MCU: variants seen among roughly 807,000 people sequenced by gnomAD.
MCU encodes the protein mitochondrial calcium uniporter.
A neutral mutation model predicts 45.2 loss-of-function variants in MCU; 12 were observed. That is an observed-to-expected ratio of 0.27 (90% CI 0.17 to 0.43). The LOEUF is 0.43. MCU is among the 20% of genes least tolerant of loss of function. The pLI, the probability that MCU is intolerant of heterozygous loss-of-function variation, is 1.00. For missense variants in MCU, 324 were observed against 436.7 expected, an observed-to-expected ratio of 0.74 and a Z score of 2.30; for synonymous variants, 160 against 165.1, an observed-to-expected ratio of 0.97 and a Z score of 0.24.
chr10:72,751,947 C>T (rs1187311474), intron 1 of MCU, among the ~76,000 whole-genome samples: 3 of 151,588 alleles, frequency 2.0e-5, no homozygotes. Flanking sequence ...TAAAGTGATT[C>T]TACTGCCTCA....
At chr10:72,843,158 C>T (rs1845071097) in intron 2 of MCU, among the ~76,000 whole-genome samples, 1 of 152,132 alleles carries the variant, frequency 6.6e-6, no homozygotes, top group African/African-American at 2.4e-5. Context: ...ATCATTACAA[C>T]CCCAAGTCCA....
intron 1 of MCU, among the ~76,000 whole-genome samples, chr10:72,799,249 T>C (rs1423802660): frequency 6.6e-6 from 1 of 152,212 alleles, no homozygotes; most frequent in Non-Finnish European, 1.5e-5. Context: ...TTAAAAGCTA[T>C]GTAGTTTTCA....
intron 1 of MCU, among the ~76,000 whole-genome samples, chr10:72,830,716 A>T (rs564429083): frequency 2.0e-5 from 3 of 152,206 alleles, no homozygotes; most frequent in African/African-American, 7.2e-5. Context: ...TCTTCAGCAC[A>T]ACTAGGGAGA....
In MCU at chr10:72,692,223, C is replaced by T; in HGVS notation, c.72C>T (p.Gly24=). ...GGGGCGGCGGCGGCGGGGGCGCCGG[C>T]GGCTGCGGGGCGCTGACTGCCGGCT... ...SSRGGGGGGA[G]GCGALTAGCF... is the part of the protein sequence containing the mutation. Residue 24 remains glycine, a synonymous_variant, in exon 1 of 8, where the codon GGC becomes GGT. Transcript: ENST00000373053. 8.0e-7 allele frequency: 1 copy of T among 1,245,594 alleles called. No individual in the cohort carries two copies. 77.2% of individuals were successfully genotyped at this position (1,245,594 alleles called of 1,614,324 possible).
intron 1 of MCU, among the ~76,000 whole-genome samples, chr10:72,821,277 G>A (rs534265955): frequency 6.6e-6 from 1 of 151,154 alleles, no homozygotes; most frequent in South Asian, 2.1e-4. Flanking sequence ...CATGAAGTAC[G>A]AGGATCAACA....
rs1251868793 is a variant in MCU at position 72,692,811 on chromosome 10, CCTCGTCCTCT to C, written c.150+518_150+527del. The C allele has an allele frequency of 2.8e-6, 4 of 1,417,952 alleles. No homozygotes were observed. In the African/African-American group the frequency reaches 5.8e-5, roughly 20 times the overall value. The allele number at this position is 1,417,952 out of a possible 1,614,324, so 87.8% of individuals were successfully genotyped here. ...AGCCCAGGACCCCGGCGGGGCCGCCCCTCGTCCTCTCTCGTCCCCGAGGGGTCGGGCAGGA... is the reference window on the plus strand; with the variant it reads ...AGCCCAGGACCCCGGCGGGGCCGCCCCTCGTCCCCGAGGGGTCGGGCAGGA... On this transcript the variant is annotated intron_variant, in intron 1 of 7. Coordinates refer to ENST00000373053, the MANE Select transcript of MCU (RefSeq NM_138357.3).
intron 1 of MCU, among the ~76,000 whole-genome samples, chr10:72,750,959 A>G (rs996756537): frequency 5.3e-5 from 8 of 152,060 alleles, no homozygotes; most frequent in African/African-American, 1.4e-4. Context: ...CATCCATGTT[A>G]TTGCATGTTT....
chr10:72,866,061 G>A (rs1002554310), intron 4 of MCU, among the ~76,000 whole-genome samples: 1 of 149,814 alleles, frequency 6.7e-6, no homozygotes, highest in Non-Finnish European at 1.5e-5. Flanking sequence ...ACAGGTGTGA[G>A]CCACCACGCC....
At chr10:72,805,107 C>G (rs1265236695) in intron 1 of MCU, among the ~76,000 whole-genome samples, 1 of 109,762 alleles carries the variant, frequency 9.1e-6, no homozygotes, top group African/African-American at 4.3e-5. Context: ...CTTTCTCTTT[C>G]TTTCTTTCTT....
At chr10:72,830,754 A>G (rs1311873273) in intron 1 of MCU, among the ~76,000 whole-genome samples, 2 of 152,214 alleles carry the variant, frequency 1.3e-5, no homozygotes, top group African/African-American at 2.4e-5. Flanking sequence ...CACTAATTAT[A>G]TAAAGGAAGG....
Position 72,819,431 on chromosome 10 carries a change from AGTTT to A in MCU, c.151-14919_151-14916del, listed in dbSNP as rs368979324. 4.7e-3 allele frequency among the ~76,000 whole-genome samples: 718 copies of A among 152,228 alleles called. 6 individuals are homozygous for A. The highest frequency in any genetic ancestry group is 0.016 in the African/African-American group (676 of 41,532). Reference sequence around the variant, plus strand: ...CCAACATGCTAAATACTCATCCATAAGTTTGTTTGTTTATTTGTTTATTTTTTAT... The same window carrying A: ...CCAACATGCTAAATACTCATCCATAAGTTTGTTTATTTGTTTATTTTTTAT... On this transcript the variant is annotated intron_variant, in intron 1 of 7. Coordinates refer to ENST00000373053, the MANE Select transcript of MCU (RefSeq NM_138357.3).
intron 1 of MCU, among the ~76,000 whole-genome samples, chr10:72,716,801 A>T (rs1396275944): frequency 1.3e-4 from 20 of 151,994 alleles, no homozygotes; most frequent in Non-Finnish European, 1.5e-5. Context: ...GAGCCCAGGA[A>T]ATTTGAGGCT....
chr10:72,804,050 ATATATATATATATATATATATAT>A (rs1844386447), intron 1 of MCU, among the ~76,000 whole-genome samples: 1 of 82,552 alleles, frequency 1.2e-5, no homozygotes, highest in African/African-American at 5.5e-5. Context: ...ATATATATAT[ATATATATATATATATATATATAT>A]AAAATAAGAG....
chr10:72,829,436 AACTTT>A (rs1239065671), intron 1 of MCU, among the ~76,000 whole-genome samples: 17 of 152,184 alleles, frequency 1.1e-4, no homozygotes, highest in East Asian at 3.9e-4. Context: ...TAACTTAATT[AACTTT>A]ACTTAACTTT....
chr10:72,697,369 G>A (rs1052933304), intron 1 of MCU, among the ~76,000 whole-genome samples: 1 of 150,852 alleles, frequency 6.6e-6, no homozygotes, highest in Non-Finnish European at 1.5e-5. Flanking sequence ...CACCTGCCTC[G>A]GCCTCCCAAA....
In MCU at chr10:72,867,762, G is replaced by A. The variant is rs371866059; in HGVS notation, c.497-941G>A. Reference sequence around the variant, plus strand: ...CCCAGCTACTTGGGAGGCTGAGGCAGGAAAATGGTGTGAACCCAGGAGGTG... The same window carrying A: ...CCCAGCTACTTGGGAGGCTGAGGCAAGAAAATGGTGTGAACCCAGGAGGTG... On this transcript the variant is annotated intron_variant, in intron 4 of 7. Coordinates refer to ENST00000373053, the MANE Select transcript of MCU (RefSeq NM_138357.3). Among the ~76,000 whole-genome samples, 3 of 151,666 alleles carry A rather than the reference G, an allele frequency of 2.0e-5. No individual in the cohort carries two copies. In the South Asian group the frequency reaches 6.3e-4, roughly 32 times the overall value.
chr10:72,813,050 C>T (rs540389169), intron 1 of MCU, among the ~76,000 whole-genome samples: 2 of 152,238 alleles, frequency 1.3e-5, no homozygotes, highest in African/African-American at 4.8e-5. Context: ...CAGTCTAGTT[C>T]CTAGCCCAGT....
chr10:72,846,907 T>G (rs1203362966), intron 2 of MCU, among the ~76,000 whole-genome samples: 1 of 152,180 alleles, frequency 6.6e-6, no homozygotes, highest in Non-Finnish European at 1.5e-5. Context: ...GTAGGAGATC[T>G]TAGATCCAGG....
intron 4 of MCU, among the ~76,000 whole-genome samples, chr10:72,864,630 G>A (rs998676490): frequency 6.6e-6 from 1 of 152,124 alleles, no homozygotes; most frequent in African/African-American, 2.4e-5. Context: ...TATTGGTAAG[G>A]CTTCTAGTCC....
Sources: gnomAD v4.1 joint callset for allele counts (sites outside exome capture counted in the v4.1 genomes callset) on GRCh38, gnomAD v4.1.1 for gene constraint, MANE v1.5 for transcripts, NCBI Gene and HGNC (gene_info 2026-07-23, HGNC 2026-07-21) for gene names.